Variants in GNB1 observed in about 807,000 individuals in gnomAD.
GNB1 encodes guanine nucleotide-binding protein G(I)/G(S)/G(T) subunit beta-1.
A neutral mutation model predicts 42.9 loss-of-function variants in GNB1; 2 were observed. The observed-to-expected ratio is 0.05, with a 90% CI of 0.02 to 0.15. The LOEUF (loss-of-function observed/expected upper bound fraction) is 0.15. GNB1 is among the 10% of genes least tolerant of loss of function. GNB1 has a pLI of 1.00. For missense variants in GNB1, 193 were observed against 462.2 expected (o/e 0.42, Z 5.34); for synonymous variants, 183 against 174.7 (o/e 1.05, Z -0.38).
intron 5 of GNB1, among the ~76,000 whole-genome samples, chr1:1,814,196 T>C (rs1646819342): frequency 6.6e-6 from 1 of 152,086 alleles, no homozygotes; most frequent in Non-Finnish European, 1.5e-5. Flanking sequence ...AAACTAAAGA[T>C]AGAATCTTTT....
intron 5 of GNB1, among the ~76,000 whole-genome samples, chr1:1,809,705 G>A (rs562116642): frequency 5.9e-5 from 9 of 152,240 alleles, no homozygotes; most frequent in Admixed American, 4.6e-4. Context: ...TTAGGGACAC[G>A]TAAGCTGTCC....
In GNB1 at chr1:1,855,431, G is replaced by T. The variant is rs947642654; in HGVS notation, c.-95-16193C>A. 6.6e-5 allele frequency among the ~76,000 whole-genome samples: 10 copies of T among 152,244 alleles called. No homozygotes were observed. The East Asian group carries it at 1.9e-3, about 29-fold the overall frequency. ...AAACAATAACTCCCGGCCGGGCGCGGTGGCTCACGCCTGTAATCCCAGCAC... is the reference window on the plus strand; with the variant it reads ...AAACAATAACTCCCGGCCGGGCGCGTTGGCTCACGCCTGTAATCCCAGCAC... On this transcript the variant is annotated intron_variant, in intron 1 of 11. Coordinates refer to ENST00000378609, the MANE Select transcript of GNB1 (RefSeq NM_002074.5).
At position 1,885,688 on chromosome 1, in the gene GNB1, C is replaced by A. The variant is rs991966315; in HGVS notation, c.-96+5132G>T. On this transcript the variant is annotated intron_variant, in intron 1 of 11. Coordinates refer to ENST00000378609, the MANE Select transcript of GNB1 (RefSeq NM_002074.5). Reference sequence around the variant, plus strand: ...TCTCCTGCCTCAGCCTCCCAAGTAGCTGGGACTACAGGCGCCCGCCACCAC... The same window carrying A: ...TCTCCTGCCTCAGCCTCCCAAGTAGATGGGACTACAGGCGCCCGCCACCAC... Among the ~76,000 whole-genome samples the A allele has an allele frequency of 2.0e-5, 3 of 149,778 alleles. No individual in the cohort carries two copies. The Admixed American group carries it at 2.0e-4, about 10-fold the overall frequency.
intron 5 of GNB1, among the ~76,000 whole-genome samples, chr1:1,811,911 A>T (rs1173014986): frequency 6.6e-6 from 1 of 150,794 alleles, no homozygotes; most frequent in Non-Finnish European, 1.5e-5. Context: ...TAAAAATACA[A>T]AAAAATTAGC....
At chr1:1,822,404 CGCCATTCCCT>C (rs1646941628) in intron 3 of GNB1, among the ~76,000 whole-genome samples, 1 of 151,704 alleles carries the variant, frequency 6.6e-6, no homozygotes, top group Non-Finnish European at 1.5e-5. Context: ...CCCAGGTTCA[CGCCATTCCCT>C]GCCTCAGCCT....
rs904798364 is a variant in GNB1, at chr1:1,787,533, T to A, written c.917-96A>T. The A allele has an allele frequency of 9.6e-6, 7 of 730,530 alleles. No homozygotes were observed. The highest frequency in any genetic ancestry group is 1.6e-5 in the Non-Finnish European group (7 of 426,760). The allele number at this position is 730,530 out of a possible 1,614,324, so 45.3% of individuals were successfully genotyped here. A position where few individuals can be genotyped will look rare whatever the true frequency, so the allele number is the denominator to read the frequency against. ...ACGAGGACGGATGGTGCATCTCTCA[T>A]GGGACAAGACCCAGAGTCTCCCACG... On this transcript the variant is annotated intron_variant, in intron 10 of 11. Coordinates refer to ENST00000378609, the MANE Select transcript of GNB1 (RefSeq NM_002074.5). This position sits in a 1 kb window ranked among gnomAD's most constrained non-coding sequence, Gnocchi z 4.4.
At chr1:1,851,825 C>T (rs1164409160) in intron 1 of GNB1, among the ~76,000 whole-genome samples, 1 of 152,090 alleles carries the variant, frequency 6.6e-6, no homozygotes, top group African/African-American at 2.4e-5. Context: ...GGGTGGATCA[C>T]TTGAGGTCAG....
chr1:1,807,843 G>T (rs1364467724), intron 5 of GNB1, among the ~76,000 whole-genome samples: 2 of 151,868 alleles, frequency 1.3e-5, no homozygotes, highest in African/African-American at 4.8e-5. Flanking sequence ...GAGTAGCTGG[G>T]ACTACAGGCG....
At chr1:1,851,519 A>C (rs998058896) in intron 1 of GNB1, among the ~76,000 whole-genome samples, 1 of 151,618 alleles carries the variant, frequency 6.6e-6, no homozygotes, top group Non-Finnish European at 1.5e-5. Context: ...ATACCACTGC[A>C]CTCCAGCCTG....
intron 1 of GNB1, among the ~76,000 whole-genome samples, chr1:1,883,610 T>C (rs548315475): frequency 1.2e-4 from 18 of 152,308 alleles, no homozygotes; most frequent in Non-Finnish European, 2.2e-4. Flanking sequence ...AATGACCCCA[T>C]GAAGGAGGCT....
intron 1 of GNB1, among the ~76,000 whole-genome samples, chr1:1,872,115 C>A (rs1385672116): frequency 6.6e-6 from 1 of 151,922 alleles, no homozygotes; most frequent in Non-Finnish European, 1.5e-5. Flanking sequence ...GATGCTCCCT[C>A]CTCAGCCTCC....
At chr1:1,875,880 G>A (rs1388091905) in intron 1 of GNB1, among the ~76,000 whole-genome samples, 1 of 152,078 alleles carries the variant, frequency 6.6e-6, no homozygotes, top group Non-Finnish European at 1.5e-5. Flanking sequence ...CTGGGAATGT[G>A]ACCTTATTTG....
intron 7 of GNB1, among the ~76,000 whole-genome samples, chr1:1,803,609 G>A (rs1309383794): frequency 1.3e-5 from 2 of 152,164 alleles, no homozygotes; most frequent in South Asian, 2.1e-4. Context: ...TACTGGTAAA[G>A]GCATATCAGG....
At chr1:1,807,756 G>A (rs1322123238) in intron 5 of GNB1, among the ~76,000 whole-genome samples, 5 of 150,980 alleles carry the variant, frequency 3.3e-5, no homozygotes, top group Admixed American at 6.6e-5. Context: ...GGCCCAGGCT[G>A]CAGTGCAGTG....
At chr1:1,821,124 C>T (rs1355964416) in intron 3 of GNB1, among the ~76,000 whole-genome samples, 1 of 152,216 alleles carries the variant, frequency 6.6e-6, no homozygotes, top group Non-Finnish European at 1.5e-5. Flanking sequence ...AACACACTTA[C>T]TTTGGGGTTT....
intron 1 of GNB1, among the ~76,000 whole-genome samples, chr1:1,859,701 G>A (rs867816602): frequency 2.2e-4 from 31 of 142,192 alleles, no homozygotes; most frequent in African/African-American, 7.6e-4. Context: ...GGGTGGGGGA[G>A]AGGGGTGGGA....
chr1:1,795,096 G>C (rs1557883556), intron 7 of GNB1, among the ~76,000 whole-genome samples: 1 of 152,190 alleles, frequency 6.6e-6, no homozygotes, highest in Non-Finnish European at 1.5e-5. Context: ...ATACTTCCTG[G>C]AGGCCACACC....
chr1:1,848,645 T>C (rs1333386706), intron 1 of GNB1, among the ~76,000 whole-genome samples: 1 of 152,154 alleles, frequency 6.6e-6, no homozygotes, highest in East Asian at 1.9e-4. Flanking sequence ...ATCACAAAAA[T>C]ATATAATATA....
At chr1:1,852,468 G>A (rs936655912) in intron 1 of GNB1, among the ~76,000 whole-genome samples, 2 of 151,826 alleles carry the variant, frequency 1.3e-5, no homozygotes, top group East Asian at 1.9e-4. Flanking sequence ...CTGACCTCGC[G>A]ACCCGCCCGC....
Sources: gnomAD v4.1 joint callset for allele counts (sites outside exome capture counted in the v4.1 genomes callset) on GRCh38, gnomAD v4.1.1 for gene constraint, Gnocchi (gnomAD v3.1) non-coding constraint, MANE v1.5 for transcripts, NCBI Gene and HGNC (gene_info 2026-07-23, HGNC 2026-07-21) for gene names.